The following MAGI1 variants were observed in gnomAD, a reference collection of about 807,000 sequenced individuals.
MAGI1 encodes the protein membrane-associated guanylate kinase, WW and PDZ domain-containing protein 1.
Under a neutral mutation model 139.9 loss-of-function variants are expected in MAGI1, and 58 were observed. That is an observed-to-expected ratio of 0.41 (90% CI 0.34 to 0.52). The LOEUF (loss-of-function observed/expected upper bound fraction) is 0.52. Among genes scored for constraint, MAGI1 ranks in the 20% least tolerant of loss-of-function variants. The probability of loss-of-function intolerance (pLI) is 0.12; values close to 1 mark genes in which losing one functional copy is unlikely to be tolerated. For missense variants in MAGI1, 1,874 were observed against 1,901.6 expected (o/e 0.99, Z 0.27); for synonymous variants, 812 against 737.9 (o/e 1.10, Z -1.63).
intron 2 of MAGI1, among the ~76,000 whole-genome samples, chr3:65,515,083 C>G (rs1333883022): frequency 2.9e-5 from 4 of 137,600 alleles, no homozygotes; most frequent in Non-Finnish European, 4.6e-5. Flanking sequence ...ACCACATATT[C>G]TCACTCATAG....
At chr3:65,505,426 T>C (rs2077242701) in intron 2 of MAGI1, among the ~76,000 whole-genome samples, 1 of 150,500 alleles carries the variant, frequency 6.6e-6, no homozygotes, top group African/African-American at 2.4e-5. Flanking sequence ...GGGCCAGGCA[T>C]GGTAGCTCAC....
chr3:65,512,796 A>T (rs1263355020), intron 2 of MAGI1, among the ~76,000 whole-genome samples: 1 of 150,530 alleles, frequency 6.6e-6, no homozygotes, highest in African/African-American at 2.4e-5. Flanking sequence ...ATCCTCCCTA[A>T]CTCATTTTAT....
chr3:65,757,652 T>TAG (rs1218556598), intron 1 of MAGI1, among the ~76,000 whole-genome samples: 1 of 152,144 alleles, frequency 6.6e-6, no homozygotes, highest in Non-Finnish European at 1.5e-5. Context: ...AATTATTAAT[T>TAG]TCTATAAATA....
intron 1 of MAGI1, among the ~76,000 whole-genome samples, chr3:65,643,334 C>T (rs1235257746): frequency 6.6e-6 from 1 of 152,162 alleles, no homozygotes; most frequent in Non-Finnish European, 1.5e-5. Flanking sequence ...CTCAACAGCT[C>T]TTGTTAGTAA....
chr3:65,446,676 G>A (rs1031866860), intron 7 of MAGI1, among the ~76,000 whole-genome samples: 25 of 152,102 alleles, frequency 1.6e-4, no homozygotes, highest in African/African-American at 5.8e-4. Context: ...TTTTGTGTCT[G>A]GAAAACCTAT....
At chr3:65,491,119 C>T (rs1266615480) in intron 3 of MAGI1, among the ~76,000 whole-genome samples, 2 of 152,066 alleles carry the variant, frequency 1.3e-5, no homozygotes, top group African/African-American at 4.8e-5. Context: ...GGTTATTTTC[C>T]TTAGCTTCTT....
intron 4 of MAGI1, among the ~76,000 whole-genome samples, chr3:65,470,974 G>A (rs887947262): frequency 6.6e-6 from 1 of 152,156 alleles, no homozygotes; most frequent in Non-Finnish European, 1.5e-5. Flanking sequence ...TTTTATATTT[G>A]TATAAATATT....
intron 1 of MAGI1, among the ~76,000 whole-genome samples, chr3:65,938,252 T>C (rs2063153828): frequency 6.7e-6 from 1 of 150,052 alleles, no homozygotes; most frequent in South Asian, 2.1e-4. Flanking sequence ...AATTTTGAAA[T>C]GTGCTTTAAT....
chr3:65,786,382 C>A (rs1311884086), intron 1 of MAGI1, among the ~76,000 whole-genome samples: 1 of 151,494 alleles, frequency 6.6e-6, no homozygotes, highest in African/African-American at 2.4e-5. Flanking sequence ...TCACAGCTCA[C>A]TGCAGCCTCA....
Position 65,356,327 on chromosome 3 carries a change from T to A in MAGI1, c.*51A>T. The A allele has an allele frequency of 6.7e-7, 1 of 1,492,756 alleles. No individual in the cohort carries two copies. The highest frequency in any genetic ancestry group is 8.9e-7 in the Non-Finnish European group (1 of 1,127,444). 92.5% of individuals were successfully genotyped at this position (1,492,756 alleles called of 1,614,324 possible). On this transcript the variant is annotated 3_prime_UTR_variant, in exon 23 of 23. Coordinates refer to ENST00000402939, the MANE Select transcript of MAGI1 (RefSeq NM_001033057.2). ...AACTAAATAATTTCAGGTTTGTGAC[T>A]TTCCTCTTAGAACCTTTGACACGGT...
intron 1 of MAGI1, among the ~76,000 whole-genome samples, chr3:66,034,900 G>A (rs891989418): frequency 6.6e-6 from 1 of 152,084 alleles, no homozygotes; most frequent in Non-Finnish European, 1.5e-5. Flanking sequence ...TGGTGCAGGG[G>A]GAGGGGGGAA....
intron 2 of MAGI1, among the ~76,000 whole-genome samples, chr3:65,600,630 A>G (rs2082434974): frequency 1.4e-5 from 1 of 72,984 alleles, no homozygotes; most frequent in African/African-American, 5.9e-5. Context: ...AGCCAGCTTC[A>G]TGGGCGCCTG....
intron 1 of MAGI1, among the ~76,000 whole-genome samples, chr3:65,747,198 C>T (rs1374623178): frequency 1.3e-5 from 2 of 152,230 alleles, no homozygotes; most frequent in Non-Finnish European, 2.9e-5. Context: ...AAGTGGTTCT[C>T]AAACTGTGTT....
chr3:65,432,648 G>A (rs1947549840), intron 10 of MAGI1, among the ~76,000 whole-genome samples: 1 of 152,164 alleles, frequency 6.6e-6, no homozygotes, highest in African/African-American at 2.4e-5. Context: ...GCCACGCAAA[G>A]TCATCTGCCA....
intron 1 of MAGI1, among the ~76,000 whole-genome samples, chr3:65,779,157 T>C (rs2107994862): frequency 6.6e-6 from 1 of 152,360 alleles, no homozygotes; most frequent in Non-Finnish European, 1.5e-5. Flanking sequence ...TCCACAGGAA[T>C]AACCACTTAG....
chr3:65,925,755 C>A (rs1391533923), intron 1 of MAGI1, among the ~76,000 whole-genome samples: 1 of 152,186 alleles, frequency 6.6e-6, no homozygotes, highest in Non-Finnish European at 1.5e-5. Context: ...TGTTGGCTCA[C>A]TGCAATCTCC....
At chr3:65,421,624 G>A (rs4688234) in intron 12 of MAGI1, among the ~76,000 whole-genome samples, 52,759 of 152,018 alleles carry the variant, frequency 0.35, 10,926 homozygotes, top group African/African-American at 0.59. Flanking sequence ...CGTGTTTTGA[G>A]GTTTCTTCCA....
At chr3:65,996,712 G>A (rs531172660) in intron 1 of MAGI1, among the ~76,000 whole-genome samples, 10 of 152,338 alleles carry the variant, frequency 6.6e-5, no homozygotes, top group African/African-American at 2.4e-4. Context: ...CTCTCTGCCA[G>A]GTAAAGCAAT....
At chr3:65,597,934 G>T (rs1559706113) in intron 2 of MAGI1, 2 of 416,968 alleles carry the variant, frequency 4.8e-6, no homozygotes, top group Non-Finnish European at 9.5e-6. Context: ...GTGGGGGGGG[G>T]GTGGGACCGA....
Sources: gnomAD v4.1 joint callset for allele counts (sites outside exome capture counted in the v4.1 genomes callset) on GRCh38, gnomAD v4.1.1 for gene constraint, MANE v1.5 for transcripts, NCBI Gene and HGNC (gene_info 2026-07-23, HGNC 2026-07-21) for gene names.